Variants in STARD3NL observed in about 807,000 individuals in gnomAD.
STARD3NL encodes STARD3 N-terminal-like protein.
In STARD3NL, 17 loss-of-function variants were observed where a neutral mutation model predicts 30.9. That is an observed-to-expected ratio of 0.55 (90% CI 0.38 to 0.82). STARD3NL has a LOEUF of 0.82. STARD3NL is among the 40% of genes least tolerant of loss of function. The pLI is 0.00. For missense variants in STARD3NL, 234 were observed against 277.6 expected (o/e 0.84, Z 1.12); for synonymous variants, 112 against 100.5 (o/e 1.11, Z -0.69).
intron 8 of STARD3NL, among the ~76,000 whole-genome samples, chr7:38,229,262 T>C (rs1443918152): frequency 6.6e-6 from 1 of 152,190 alleles, no homozygotes; most frequent in Admixed American, 6.5e-5. Flanking sequence ...AGCAGAGACA[T>C]AGAATGGGTC....
intron 2 of STARD3NL, among the ~76,000 whole-genome samples, chr7:38,211,456 C>T (rs903050593): frequency 3.3e-5 from 5 of 152,036 alleles, no homozygotes; most frequent in East Asian, 1.9e-4. Context: ...GTGGGGAGTA[C>T]GTGCTCAAGT....
chr7:38,190,796 T>C (rs1461115663), intron 1 of STARD3NL, among the ~76,000 whole-genome samples: 1 of 152,198 alleles, frequency 6.6e-6, no homozygotes, highest in Non-Finnish European at 1.5e-5. Flanking sequence ...ATTTTTGTTT[T>C]TCACCACATT....
At chr7:38,184,717 A>C (rs1784390065) in intron 1 of STARD3NL, among the ~76,000 whole-genome samples, 1 of 146,730 alleles carries the variant, frequency 6.8e-6, no homozygotes, top group African/African-American at 2.5e-5. Flanking sequence ...TATATATATA[A>C]TATATAACCC....
intron 1 of STARD3NL, among the ~76,000 whole-genome samples, chr7:38,196,799 A>G (rs894378557): frequency 6.7e-6 from 1 of 149,036 alleles, no homozygotes; most frequent in Middle Eastern, 3.2e-3. Context: ...GATGTAATTT[A>G]TGAAATAAAT....
At chr7:38,216,180 A>G (rs764578437) in intron 4 of STARD3NL, 4 of 152,098 alleles carry the variant, frequency 2.6e-5, no homozygotes, top group Admixed American at 6.6e-5. Flanking sequence ...ATCCCTCTCA[A>G]TGTTTGTTTT....
chr7:38,222,809 A>C (rs1264053252), intron 7 of STARD3NL, among the ~76,000 whole-genome samples: 2 of 152,162 alleles, frequency 1.3e-5, no homozygotes, highest in Non-Finnish European at 2.9e-5. Context: ...GCAGAGAAGG[A>C]GTGGTCAGAG....
intron 7 of STARD3NL, among the ~76,000 whole-genome samples, chr7:38,227,087 A>T (rs917004009): frequency 6.6e-6 from 1 of 152,088 alleles, no homozygotes; most frequent in Admixed American, 6.5e-5. Flanking sequence ...CAGGGAGAGG[A>T]TTTATTGACT....
intron 1 of STARD3NL, among the ~76,000 whole-genome samples, chr7:38,187,082 G>C (rs1358919496): frequency 6.6e-6 from 1 of 152,038 alleles, no homozygotes; most frequent in Non-Finnish European, 1.5e-5. Flanking sequence ...GGCCCATCTT[G>C]AGAGAGACTT....
chr7:38,197,763 ATC>A, intron 1 of STARD3NL, among the ~76,000 whole-genome samples: 1 of 151,946 alleles, frequency 6.6e-6, no homozygotes, highest in South Asian at 2.1e-4. Flanking sequence ...TCCTTCCCAC[ATC>A]TCTCTTCTCT....
chr7:38,227,904 T>A (rs1393110094), intron 7 of STARD3NL, among the ~76,000 whole-genome samples: 1 of 152,150 alleles, frequency 6.6e-6, no homozygotes. Flanking sequence ...AATTTAAAAA[T>A]TATTAATAAA....
At chr7:38,187,634 G>GT (rs34293584) in intron 1 of STARD3NL, among the ~76,000 whole-genome samples, 13,486 of 150,704 alleles carry the variant, frequency 0.089, 734 homozygotes, top group Middle Eastern at 0.15. Flanking sequence ...CAATTTATTA[G>GT]TTTTTTTTTC....
rs187667768 is a variant in STARD3NL, at chr7:38,215,512, C to G, written c.381+407C>G. ...TACTTATTTAGGTAATTGCCTTACCCCCTCCTTTCTTCCCCACAACCCCCT... is the reference window on the plus strand; with the variant it reads ...TACTTATTTAGGTAATTGCCTTACCGCCTCCTTTCTTCCCCACAACCCCCT... On this transcript the variant is annotated intron_variant, in intron 4 of 8. Transcript: ENST00000009041. 59 of 167,238 alleles carry G rather than the reference C, an allele frequency of 3.5e-4. No homozygotes were observed. In the East Asian group the frequency reaches 9.4e-3, roughly 27 times the overall value. The allele number at this position is 167,238 out of a possible 1,614,324, so 10.4% of individuals were successfully genotyped here. A position where few individuals can be genotyped will look rare whatever the true frequency, so the allele number is the denominator to read the frequency against.
In STARD3NL at chr7:38,230,234, T is replaced by G. The variant is rs934113673; in HGVS notation, c.*329T>G. 2.0e-5 allele frequency: 3 copies of G among 152,688 alleles called. No homozygotes were observed. Among genetic ancestry groups the G allele is most frequent in the Admixed American group, 2.0e-4 (3 of 15,288 alleles). The allele number at this position is 152,688 out of a possible 1,614,324, so 9.5% of individuals were successfully genotyped here. A position where few individuals can be genotyped will look rare whatever the true frequency, so the allele number is the denominator to read the frequency against. ...AAGACTTAATATATTGAAGTAACACTTTTTTAGTAAGCAAGATACCTTTTT... is the reference window on the plus strand; with the variant it reads ...AAGACTTAATATATTGAAGTAACACGTTTTTAGTAAGCAAGATACCTTTTT... On this transcript the variant is annotated 3_prime_UTR_variant, in exon 9 of 9. Coordinates refer to ENST00000009041, the MANE Select transcript of STARD3NL (RefSeq NM_032016.4).
At chr7:38,184,723 A>G (rs1240553873) in intron 1 of STARD3NL, among the ~76,000 whole-genome samples, 1 of 146,792 alleles carries the variant, frequency 6.8e-6, no homozygotes, top group African/African-American at 2.5e-5. Flanking sequence ...TATAATATAT[A>G]ACCCATATAG....
chr7:38,190,826 G>A (rs537763416), intron 1 of STARD3NL, among the ~76,000 whole-genome samples: 1 of 152,184 alleles, frequency 6.6e-6, no homozygotes, highest in East Asian at 1.9e-4. Context: ...GAAGAGTCCA[G>A]GATAGTCGCC....
At chr7:38,179,207 T>C (rs1784147322) in intron 1 of STARD3NL, 1 of 152,248 alleles carries the variant, frequency 6.6e-6, no homozygotes, top group Non-Finnish European at 1.5e-5. Context: ...CCACATTTCC[T>C]TGTTAGGAAG....
chr7:38,218,491 TA>T (rs773773731), intron 6 of STARD3NL, among the ~76,000 whole-genome samples: 3 of 152,208 alleles, frequency 2.0e-5, no homozygotes, highest in Non-Finnish European at 4.4e-5. Context: ...TAATTGTATA[TA>T]AATATAAAAC....
intron 1 of STARD3NL, among the ~76,000 whole-genome samples, chr7:38,188,732 A>G (rs1784563046): frequency 6.6e-6 from 1 of 152,242 alleles, no homozygotes; most frequent in Non-Finnish European, 1.5e-5. Context: ...TTATGAAAAC[A>G]TTGATATGCA....
At chr7:38,223,713 A>G (rs1291603906) in intron 7 of STARD3NL, among the ~76,000 whole-genome samples, 1 of 150,384 alleles carries the variant, frequency 6.6e-6, no homozygotes, top group African/African-American at 2.4e-5. Context: ...AATAGATTCG[A>G]AACACAGCTT....
Sources: allele counts gnomAD v4.1 joint callset (sites outside exome capture counted in the v4.1 genomes callset), GRCh38; gene constraint gnomAD v4.1.1; transcripts MANE v1.5; gene names NCBI Gene and HGNC (gene_info 2026-07-23, HGNC 2026-07-21).